SPTBN4: variants seen among roughly 807,000 people sequenced by gnomAD.
SPTBN4 encodes spectrin beta chain, non-erythrocytic 4.
SPTBN4 carries 96 observed loss-of-function variants against 277.8 expected under a neutral mutation model. The ratio of observed to expected loss-of-function variants is 0.35; its 90% CI spans 0.29 to 0.41. The LOEUF is 0.41. Ranked by LOEUF, SPTBN4 falls within the 10% of genes least tolerant of loss-of-function variation. SPTBN4 has a pLI of 1.00. For missense variants in SPTBN4, 3,006 were observed against 3,595.7 expected (o/e 0.84, Z 4.19); for synonymous variants, 1,481 against 1,580.3 (o/e 0.94, Z 1.49).
Position 40,502,616 on chromosome 19 carries a change from A to C in SPTBN4, c.1203+109A>C. ...TGTAGACATGATGGATTAGATATTC[A>C]TTCTGACAGTTTTTCAGTAGTAAAG... On this transcript the variant is annotated intron_variant, in intron 10 of 35. Transcript: ENST00000598249. This position sits in a 1 kb window ranked among gnomAD's most constrained non-coding sequence, Gnocchi z 4.9. 2.1e-6 allele frequency: 3 copies of C among 1,440,360 alleles called. No homozygotes were observed. Among genetic ancestry groups the C allele is most frequent in the Non-Finnish European group, 2.8e-6 (3 of 1,065,308 alleles). The allele number at this position is 1,440,360 out of a possible 1,614,324, so 89.2% of individuals were successfully genotyped here. A position where few individuals can be genotyped will look rare whatever the true frequency, so the allele number is the denominator to read the frequency against.
At chr19:40,575,282 C>T in intron 35 of SPTBN4, 129 bp from the exon 36 acceptor site, 3 of 1,117,278 alleles carry the variant, frequency 2.7e-6, no homozygotes, top group Non-Finnish European at 3.7e-6. Context: ...GTAACTGCAT[C>T]ATCATCATCA....
At chr19:40,505,741 AG>A (rs1322030353) in intron 12 of SPTBN4, among the ~76,000 whole-genome samples, 6 of 151,588 alleles carry the variant, frequency 4.0e-5, no homozygotes, top group African/African-American at 1.5e-4. Flanking sequence ...GAAGGAAGGA[AG>A]GAAGGAAGGA....
At chr19:40,501,889 T>C in intron 7 of SPTBN4, 32 bp from the exon 8 acceptor site, 1 of 1,442,418 alleles carries the variant, frequency 6.9e-7, no homozygotes, top group Non-Finnish European at 9.7e-7. Context: ...AAGTGCCCAC[T>C]GTCTTGTTTC....
chr19:40,530,699 G>C, intron 18 of SPTBN4: 1 of 456,792 alleles, frequency 2.2e-6, no homozygotes, highest in Non-Finnish European at 2.9e-6. Flanking sequence ...GGAGGGGCGG[G>C]GCGGCGCGGG....
intron 6 of SPTBN4, among the ~76,000 whole-genome samples, chr19:40,496,051 C>G (rs2080193448): frequency 1.3e-5 from 2 of 152,224 alleles, no homozygotes; most frequent in South Asian, 4.1e-4. Flanking sequence ...TCAGTGTTTT[C>G]TATGCACAGG....
intron 2 of SPTBN4, 38 bp downstream of exon 2, chr19:40,472,828 G>T: frequency 6.8e-7 from 1 of 1,478,956 alleles, no homozygotes; most frequent in South Asian, 1.3e-5. Flanking sequence ...GAGGAGGAGG[G>T]GGAAGGGGGA....
chr19:40,569,638 T>C lies in SPTBN4; in HGVS notation c.6957-19T>C. On this transcript the variant is annotated intron_variant, in intron 31 of 35. Coordinates refer to ENST00000598249, the MANE Select transcript of SPTBN4 (RefSeq NM_020971.3). ...AGGAACCCTGGTTTCACTGGGTCTT[T>C]CTGTCCCCCATCCCCCAGGAAGGCC... is the stretch of plus-strand genomic sequence containing the variant. The C allele has an allele frequency of 6.2e-7, 1 of 1,611,888 alleles. No individual in the cohort carries two copies. The highest frequency in any genetic ancestry group is 8.5e-7 in the Non-Finnish European group (1 of 1,179,202).
In SPTBN4 at chr19:40,547,805, T is replaced by C. The variant is rs187106674; in HGVS notation, c.4360-1384T>C. 4.9e-3 allele frequency among the ~76,000 whole-genome samples: 749 copies of C among 152,356 alleles called. 9 individuals carry two copies. The highest frequency in any genetic ancestry group is 0.017 in the African/African-American group (718 of 41,582). ...GTGATGGTGAGCATTTTTTCATATG[T>C]CTGTTGGCTGATGCAGAAGTATTTT... On this transcript the variant is annotated intron_variant, in intron 20 of 35. Transcript: ENST00000598249.
intron 22 of SPTBN4, among the ~76,000 whole-genome samples, chr19:40,552,271 C>T (rs1342409886): frequency 1.3e-5 from 2 of 151,710 alleles, no homozygotes; most frequent in African/African-American, 4.8e-5. Context: ...CTGGCTAACA[C>T]GGTGAAACCG....
At chr19:40,522,847 G>A (rs756128068) in intron 16 of SPTBN4, among the ~76,000 whole-genome samples, 6 of 151,922 alleles carry the variant, frequency 3.9e-5, no homozygotes, top group African/African-American at 9.7e-5. Flanking sequence ...ATACAGGAGG[G>A]TTGGCTGGGT....
chr19:40,510,699 C>T (rs951618990), intron 13 of SPTBN4, among the ~76,000 whole-genome samples: 1 of 152,216 alleles, frequency 6.6e-6, no homozygotes, highest in Non-Finnish European at 1.5e-5. Context: ...CCGCATTCCA[C>T]ATAGGGCAGT....
In SPTBN4 at chr19:40,560,598, G is replaced by A. The variant is rs912749611; in HGVS notation, c.5915+195G>A. ...TTTTAGGCCTGTCATTGGGGACTTC[G>A]GTCATGGGGCATCCTTCTGTCCGCT... is the stretch of plus-strand genomic sequence containing the variant. On this transcript the variant is annotated intron_variant, in intron 27 of 35. Coordinates refer to ENST00000598249, the MANE Select transcript of SPTBN4 (RefSeq NM_020971.3). The surrounding 1 kb of genome is among the most constrained non-coding windows in gnomAD (Gnocchi z 5.2). 48 of 1,450,198 alleles carry A rather than the reference G, an allele frequency of 3.3e-5. No homozygotes were observed. Among genetic ancestry groups the A allele is most frequent in the South Asian group, 4.3e-5 (3 of 69,366 alleles). The allele number at this position is 1,450,198 out of a possible 1,614,324, so 89.8% of individuals were successfully genotyped here.
intron 16 of SPTBN4, among the ~76,000 whole-genome samples, chr19:40,521,995 AGAACTTC>A (rs2080531918): frequency 6.6e-6 from 1 of 151,840 alleles, no homozygotes; most frequent in Admixed American, 6.6e-5. Context: ...CAGAGGGAAA[AGAACTTC>A]CTTGAGTTCA....
chr19:40,566,014 C>A, intron 29 of SPTBN4, 149 bp from the exon 30 acceptor site: 1 of 841,026 alleles, frequency 1.2e-6, no homozygotes, highest in Non-Finnish European at 1.8e-6. Flanking sequence ...ACTGAAATAG[C>A]CCCAGCCTCT....
chr19:40,566,031 C>T, intron 29 of SPTBN4, 132 bp from the exon 30 acceptor site: 3 of 955,106 alleles, frequency 3.1e-6, no homozygotes, highest in South Asian at 3.6e-5. Context: ...CTCTGCCATT[C>T]CTGCAGAGCC....
At chr19:40,572,628 C>G (rs1399558574) in intron 35 of SPTBN4, 3 of 549,992 alleles carry the variant, frequency 5.5e-6, no homozygotes, top group Non-Finnish European at 6.5e-6. Flanking sequence ...GCCGTGGTCA[C>G]TCAGGTGAGA....
chr19:40,527,846 A>T (rs1477505153), intron 17 of SPTBN4, among the ~76,000 whole-genome samples: 1 of 152,170 alleles, frequency 6.6e-6, no homozygotes, highest in East Asian at 1.9e-4. Flanking sequence ...ACTTGAGGTC[A>T]GGAGTTCGAG....
At chr19:40,559,027 G>C (rs1192382895) in intron 26 of SPTBN4, among the ~76,000 whole-genome samples, 1 of 151,102 alleles carries the variant, frequency 6.6e-6, no homozygotes, top group Admixed American at 6.6e-5. Flanking sequence ...TGCTTCCCGG[G>C]TTCAAGCAAT....
At chr19:40,481,413 A>C (rs927482295) in intron 2 of SPTBN4, among the ~76,000 whole-genome samples, 1 of 151,958 alleles carries the variant, frequency 6.6e-6, no homozygotes, top group Non-Finnish European at 1.5e-5. Context: ...TTATATTCCC[A>C]CTAGCAGTGT....
Sources: gnomAD v4.1 joint callset for allele counts (sites outside exome capture counted in the v4.1 genomes callset) on GRCh38, gnomAD v4.1.1 for gene constraint, Gnocchi (gnomAD v3.1) non-coding constraint, MANE v1.5 for transcripts, NCBI Gene and HGNC (gene_info 2026-07-23, HGNC 2026-07-21) for gene names.